Variants in EDIL3 observed in about 807,000 individuals in gnomAD.
The protein encoded by EDIL3 is EGF-like repeat and discoidin I-like domain-containing protein 3.
Under a neutral mutation model 67.4 loss-of-function variants are expected in EDIL3, and 37 were observed. The ratio of observed to expected loss-of-function variants is 0.55; its 90% CI spans 0.42 to 0.72. The LOEUF (loss-of-function observed/expected upper bound fraction) is 0.72, where lower values mean the gene tolerates loss of function less well. Ranked by LOEUF, EDIL3 falls within the 30% of genes least tolerant of loss-of-function variation. The probability of loss-of-function intolerance (pLI) is 0.00; values close to 1 mark genes in which losing one functional copy is unlikely to be tolerated. For missense variants in EDIL3, 527 were observed against 586.3 expected, an observed-to-expected ratio of 0.90 and a Z score of 1.04; for synonymous variants, 195 against 196.3, an observed-to-expected ratio of 0.99 and a Z score of 0.05.
intron 6 of EDIL3, among the ~76,000 whole-genome samples, chr5:84,089,251 C>T (rs142521764): frequency 9.8e-5 from 15 of 152,336 alleles, no homozygotes; most frequent in African/African-American, 3.6e-4. Flanking sequence ...CACTTCCACT[C>T]TCTATCCAGA....
At chr5:84,207,084 T>C (rs1052148328) in intron 3 of EDIL3, among the ~76,000 whole-genome samples, 8 of 152,096 alleles carry the variant, frequency 5.3e-5, no homozygotes, top group African/African-American at 1.9e-4. Flanking sequence ...TGTATTCAAT[T>C]AGGAAAAGAG....
At chr5:84,205,085 T>C (rs1360776889) in intron 3 of EDIL3, among the ~76,000 whole-genome samples, 1 of 151,490 alleles carries the variant, frequency 6.6e-6, no homozygotes. Context: ...GGAAGATTTT[T>C]TTTTTTTTTT....
intron 10 of EDIL3, among the ~76,000 whole-genome samples, chr5:83,954,399 C>G (rs1744475578): frequency 6.6e-6 from 1 of 151,676 alleles, no homozygotes; most frequent in African/African-American, 2.4e-5. Context: ...TCTTGTATGG[C>G]TTGGTGCCCT....
chr5:84,121,108 T>TTATTAA (rs1319043629), intron 5 of EDIL3, among the ~76,000 whole-genome samples: 1 of 151,872 alleles, frequency 6.6e-6, no homozygotes, highest in Non-Finnish European at 1.5e-5. Flanking sequence ...ATTAAGGAGG[T>TTATTAA]GGATATTCTC....
chr5:84,124,456 C>A (rs759753941), intron 5 of EDIL3, among the ~76,000 whole-genome samples: 16 of 149,916 alleles, frequency 1.1e-4, no homozygotes, highest in Non-Finnish European at 1.9e-4. Context: ...TTTAATGGAC[C>A]TTTTGTTCAA....
chr5:83,986,916 G>A (rs1311594890), intron 9 of EDIL3, among the ~76,000 whole-genome samples: 1 of 152,120 alleles, frequency 6.6e-6, no homozygotes, highest in African/African-American at 2.4e-5. Context: ...GGGAGCAGGA[G>A]GCTGGAATGG....
At chr5:84,026,980 A>G (rs111448150) in intron 9 of EDIL3, among the ~76,000 whole-genome samples, 7,417 of 152,180 alleles carry the variant, frequency 0.049, 622 homozygotes, top group African/African-American at 0.17. Context: ...CTGTACTCTG[A>G]GCTGCTTGGG....
At chr5:83,992,852 C>T (rs1267705100) in intron 9 of EDIL3, among the ~76,000 whole-genome samples, 4 of 151,578 alleles carry the variant, frequency 2.6e-5, no homozygotes, top group Non-Finnish European at 5.9e-5. Context: ...TTTATATACT[C>T]TATTTAAAAA....
At chr5:83,983,366 G>A (rs1745004763) in intron 9 of EDIL3, among the ~76,000 whole-genome samples, 1 of 152,002 alleles carries the variant, frequency 6.6e-6, no homozygotes, top group Admixed American at 6.6e-5. Context: ...ATAGGTCGAC[G>A]GATGAAATGA....
At chr5:84,215,250 T>A (rs901071976) in intron 3 of EDIL3, among the ~76,000 whole-genome samples, 1 of 152,016 alleles carries the variant, frequency 6.6e-6, no homozygotes, top group Non-Finnish European at 1.5e-5. Context: ...ATAAGTAAGA[T>A]GAGCAGATTT....
intron 9 of EDIL3, among the ~76,000 whole-genome samples, chr5:83,994,155 A>G (rs1745197252): frequency 6.6e-6 from 1 of 152,176 alleles, no homozygotes; most frequent in South Asian, 2.1e-4. Flanking sequence ...TTCCTTTATG[A>G]TGCAAACAGT....
intron 1 of EDIL3, among the ~76,000 whole-genome samples, chr5:84,336,796 A>G (rs921161740): frequency 3.9e-5 from 6 of 152,156 alleles, no homozygotes; most frequent in African/African-American, 1.4e-4. Context: ...AATTAAATAG[A>G]GTTTCAAAAT....
chr5:84,354,656 C>CAAA lies in EDIL3; in HGVS notation c.67+29649_67+29651dup, dbSNP rs11394541. 5.7e-5 allele frequency among the ~76,000 whole-genome samples: 8 copies of CAAA among 140,208 alleles called. 1 individual carries two copies. Among genetic ancestry groups the CAAA allele is most frequent in the African/African-American group, 1.3e-4 (5 of 38,006 alleles). 92.0% of individuals were successfully genotyped at this position (140,208 alleles called of 152,430 possible). A position where few individuals can be genotyped will look rare whatever the true frequency, so the allele number is the denominator to read the frequency against. ...TGGGCAACAGAGTGAGACTCCATCT[C>CAAA]AAAAAAAAAAAAAGCACTAAAAAAT... On this transcript the variant is annotated intron_variant, in intron 1 of 10. Coordinates refer to ENST00000296591, the MANE Select transcript of EDIL3 (RefSeq NM_005711.5).
intron 3 of EDIL3, among the ~76,000 whole-genome samples, chr5:84,200,865 C>T (rs1220278397): frequency 6.6e-6 from 1 of 151,924 alleles, no homozygotes; most frequent in Non-Finnish European, 1.5e-5. Context: ...GAGAAATCTT[C>T]AAGTCTATAT....
chr5:84,321,397 A>G (rs1746646357), intron 1 of EDIL3, among the ~76,000 whole-genome samples: 1 of 152,180 alleles, frequency 6.6e-6, no homozygotes, highest in African/African-American at 2.4e-5. Context: ...GCAGAGCAGC[A>G]TTCTGGGGAG....
intron 5 of EDIL3, among the ~76,000 whole-genome samples, chr5:84,131,785 T>C (rs768080197): frequency 9.9e-5 from 15 of 152,196 alleles, no homozygotes; most frequent in Non-Finnish European, 8.8e-5. Context: ...CCTGTCATTA[T>C]TTATAAATTT....
chr5:83,944,819 T>C (rs960436356), intron 10 of EDIL3, among the ~76,000 whole-genome samples: 1 of 152,002 alleles, frequency 6.6e-6, no homozygotes, highest in Non-Finnish European at 1.5e-5. Flanking sequence ...AATTTCTTTC[T>C]TGTTTGGCAT....
At position 84,187,278 on chromosome 5, in the gene EDIL3, T is replaced by TATCTCCTCACAA. The variant is rs1235097905; in HGVS notation, c.227-6758_227-6757insTTGTGAGGAGAT. On this transcript the variant is annotated intron_variant, in intron 3 of 10. Transcript: ENST00000296591. ...GCAGTAGATCTATATGGTTTGCTAC[T>TATCTCCTCACAA]TTTCTGCATCTATCTCCTCACAATT... is the stretch of plus-strand genomic sequence containing the variant. 5.0e-4 allele frequency among the ~76,000 whole-genome samples: 76 copies of TATCTCCTCACAA among 152,216 alleles called. 1 individual carries two copies. The highest frequency in any genetic ancestry group is 1.8e-3 in the African/African-American group (73 of 41,560).
chr5:84,301,852 T>C (rs1351451002), intron 1 of EDIL3, among the ~76,000 whole-genome samples: 2 of 152,216 alleles, frequency 1.3e-5, no homozygotes, highest in Non-Finnish European at 2.9e-5. Flanking sequence ...ATTCTAAGTA[T>C]TTCTTCACCT....
Sources: allele counts gnomAD v4.1 joint callset (sites outside exome capture counted in the v4.1 genomes callset), GRCh38; gene constraint gnomAD v4.1.1; transcripts MANE v1.5; gene names NCBI Gene and HGNC (gene_info 2026-07-23, HGNC 2026-07-21).